AMBRA1: variants seen among roughly 807,000 people sequenced by gnomAD.
AMBRA1 encodes autophagy and beclin 1 regulator 1.
A neutral mutation model predicts 125.4 loss-of-function variants in AMBRA1; 47 were observed. The observed-to-expected ratio is 0.37, with a 90% CI of 0.30 to 0.48. The LOEUF is 0.48. Among genes scored for constraint, AMBRA1 ranks in the 20% least tolerant of loss-of-function variants. The pLI is 0.99. For synonymous variants in AMBRA1, 626 were observed against 655.5 expected (o/e 0.95, Z 0.69); for missense variants, 1,331 against 1,693.4 (o/e 0.79, Z 3.76).
chr11:46,457,821 G>C (rs924526176), intron 11 of AMBRA1, among the ~76,000 whole-genome samples: 2 of 151,432 alleles, frequency 1.3e-5, no homozygotes, highest in South Asian at 2.1e-4. Flanking sequence ...AAAATCACTT[G>C]AGCCAAGGAG....
In AMBRA1 at chr11:46,543,162, G is replaced by A. The variant is rs749214604; in HGVS notation, c.855C>T (p.Ser285=). 34 of 1,566,718 alleles carry A rather than the reference G, an allele frequency of 2.2e-5. No individual in the cohort carries two copies. The highest frequency in any genetic ancestry group is 2.4e-5 in the Non-Finnish European group (28 of 1,158,288). Residue 285 remains serine (S), a synonymous_variant, in exon 7 of 18, where the codon TCC becomes TCT. Transcript: ENST00000683756. The stretch of plus-strand genomic sequence containing the variant: ...CCCGCTGTCGGAGCCTGATGTAAGC[G>A]GAAGTCCTGGGGCGCTCCGTGGAGG... ...PQPSTERPRT[S]AYIRLRQRVS... is the part of the protein sequence containing the mutation.
intron 12 of AMBRA1, among the ~76,000 whole-genome samples, chr11:46,437,356 C>T (rs1947772328): frequency 6.6e-6 from 1 of 152,236 alleles, no homozygotes; most frequent in African/African-American, 2.4e-5. Context: ...AACTTCATAA[C>T]TCTTCCTGGC....
chr11:46,508,860 GT>G (rs1469828530), intron 8 of AMBRA1, among the ~76,000 whole-genome samples: 2 of 152,160 alleles, frequency 1.3e-5, no homozygotes, highest in African/African-American at 4.8e-5. Context: ...GTATCCACAG[GT>G]ATCTTCACCA....
At chr11:46,493,439 G>A (rs1436339135) in intron 11 of AMBRA1, among the ~76,000 whole-genome samples, 169 bp downstream of exon 11, 2 of 152,120 alleles carry the variant, frequency 1.3e-5, no homozygotes, top group Admixed American at 1.3e-4. Context: ...CTTCAACCCT[G>A]CCATTTCCTG....
At chr11:46,493,945 T>A (rs950696660) in intron 10 of AMBRA1, 179 bp downstream of exon 10, 30 of 676,540 alleles carry the variant, frequency 4.4e-5, no homozygotes, top group Non-Finnish European at 7.1e-5. Flanking sequence ...CACCACTTTT[T>A]CATCTCTTTT....
chr11:46,435,089 G>A (rs1461696160), intron 12 of AMBRA1, 52 bp from the exon 13 acceptor site: 1 of 1,481,612 alleles, frequency 6.7e-7, no homozygotes, highest in Non-Finnish European at 9.0e-7. Context: ...AGTTGATACT[G>A]TAAAAATTCT....
Position 46,541,314 on chromosome 11 carries a change from G to C in AMBRA1, c.2072+631C>G, listed in dbSNP as rs535988125. ...TCTTCTTCTCCACCCCAAGGTGAAAGTCCACCTGGAAGGTCCATTCAGAGA... is the reference window on the plus strand; with the variant it reads ...TCTTCTTCTCCACCCCAAGGTGAAACTCCACCTGGAAGGTCCATTCAGAGA... On this transcript the variant is annotated intron_variant, in intron 7 of 17. Coordinates refer to ENST00000683756, the MANE Select transcript of AMBRA1 (RefSeq NM_001387011.1). Among the ~76,000 whole-genome samples the C allele has an allele frequency of 8.5e-5, 13 of 152,300 alleles. No homozygotes were observed. In the South Asian group the frequency reaches 2.3e-3, roughly 27 times the overall value.
intron 11 of AMBRA1, among the ~76,000 whole-genome samples, chr11:46,481,555 G>A (rs976430934): frequency 6.6e-6 from 1 of 151,996 alleles, no homozygotes; most frequent in African/African-American, 2.4e-5. Context: ...CAGAGATAGG[G>A]TTTCTCCATG....
intron 1 of AMBRA1, among the ~76,000 whole-genome samples, chr11:46,581,555 G>A (rs920143076): frequency 4.6e-5 from 7 of 151,986 alleles, no homozygotes; most frequent in Admixed American, 6.6e-5. Context: ...GCAGCAAGCC[G>A]AGATCGCACC....
chr11:46,581,202 G>A (rs945789768), intron 1 of AMBRA1, among the ~76,000 whole-genome samples: 2 of 152,078 alleles, frequency 1.3e-5, no homozygotes, highest in African/African-American at 4.8e-5. Flanking sequence ...GCCAGGTACG[G>A]TGGCTCACAC....
chr11:46,552,846 G>T (rs1305575822), intron 1 of AMBRA1, among the ~76,000 whole-genome samples: 1 of 151,794 alleles, frequency 6.6e-6, no homozygotes, highest in African/African-American at 2.4e-5. Context: ...CTCAGTAGTG[G>T]CATTATTGGT....
rs117962111 is a variant in AMBRA1 at position 46,422,751 on chromosome 11, G to A, written c.2977-4699C>T. ...CAAACGGCACTGTTCAGATCAGCCC[G>A]GATAAGAAGCTAAAAGAAAAACTTT... On this transcript the variant is annotated intron_variant, in intron 14 of 17. Transcript: ENST00000683756. Among the ~76,000 whole-genome samples, 885 of 152,040 alleles carry A rather than the reference G, an allele frequency of 5.8e-3. 6 individuals carry two copies. Among genetic ancestry groups the A allele is most frequent in the Non-Finnish European group, 8.6e-3 (584 of 67,984 alleles).
intron 11 of AMBRA1, among the ~76,000 whole-genome samples, chr11:46,469,609 G>A (rs12574250): frequency 0.14 from 21,397 of 152,092 alleles, 1,574 homozygotes; most frequent in Non-Finnish European, 0.17. Context: ...ATTTAAATAT[G>A]TTATCTTCAG....
At chr11:46,447,625 G>C (rs1301532211) in intron 11 of AMBRA1, among the ~76,000 whole-genome samples, 1 of 152,118 alleles carries the variant, frequency 6.6e-6, no homozygotes, top group Non-Finnish European at 1.5e-5. Flanking sequence ...AGGTGGGATA[G>C]CTTGAGTCTG....
intron 9 of AMBRA1, among the ~76,000 whole-genome samples, chr11:46,503,947 C>T (rs1950935441): frequency 6.6e-6 from 1 of 152,194 alleles, no homozygotes. Context: ...AATCCTCTTG[C>T]TTCAACCTCC....
chr11:46,559,036 C>T (rs1591120971), intron 1 of AMBRA1, among the ~76,000 whole-genome samples: 1 of 152,178 alleles, frequency 6.6e-6, no homozygotes, highest in Non-Finnish European at 1.5e-5. Context: ...TGCAGTGGCT[C>T]ACTCCTGTAA....
intron 1 of AMBRA1, among the ~76,000 whole-genome samples, chr11:46,556,830 G>A (rs1221678807): frequency 1.3e-5 from 2 of 152,136 alleles, no homozygotes; most frequent in Non-Finnish European, 2.9e-5. Flanking sequence ...CTGTAATGAA[G>A]AATTAGTATG....
intron 15 of AMBRA1, among the ~76,000 whole-genome samples, chr11:46,414,253 A>G (rs1946427271): frequency 6.6e-6 from 1 of 152,224 alleles, no homozygotes; most frequent in Admixed American, 6.5e-5. Flanking sequence ...GTGTCTCTGC[A>G]GCGCGGGAAA....
chr11:46,567,723 G>C (rs558978464), intron 1 of AMBRA1, among the ~76,000 whole-genome samples: 99 of 151,924 alleles, frequency 6.5e-4, no homozygotes, highest in African/African-American at 2.3e-3. Context: ...CCCAACCAGC[G>C]ATTCCTCTGT....
Sources: gnomAD v4.1 joint callset for allele counts (sites outside exome capture counted in the v4.1 genomes callset) on GRCh38, gnomAD v4.1.1 for gene constraint, MANE v1.5 for transcripts, NCBI Gene and HGNC (gene_info 2026-07-23, HGNC 2026-07-21) for gene names.